Variants in CMTM8 observed in about 807,000 individuals in gnomAD.
CMTM8 encodes the protein CKLF-like MARVEL transmembrane domain-containing protein 8.
In CMTM8, 12 loss-of-function variants were observed where a neutral mutation model predicts 18.6. The observed-to-expected ratio is 0.65, with a 90% CI of 0.41 to 1.05. The LOEUF is 1.05. Ranked by LOEUF, CMTM8 falls within the 50% of genes least tolerant of loss-of-function variation. The pLI, the probability that CMTM8 is intolerant of heterozygous loss-of-function variation, is 0.00. For missense variants in CMTM8, 217 were observed against 227.2 expected, an observed-to-expected ratio of 0.95 and a Z score of 0.29; for synonymous variants, 87 against 90.6, an observed-to-expected ratio of 0.96 and a Z score of 0.23.
chr3:32,244,625 C>T (rs77866957), intron 1 of CMTM8, among the ~76,000 whole-genome samples: 114 of 152,168 alleles, frequency 7.5e-4, no homozygotes, highest in African/African-American at 2.6e-3. Flanking sequence ...TTTACTATGC[C>T]GTGAACATTT....
intron 1 of CMTM8, among the ~76,000 whole-genome samples, chr3:32,292,083 C>T (rs1419794102): frequency 6.6e-6 from 1 of 152,176 alleles, no homozygotes; most frequent in East Asian, 1.9e-4. Flanking sequence ...TGAGTTTTAA[C>T]AACCTGGCCT....
chr3:32,272,563 T>C (rs1702454689), intron 1 of CMTM8, among the ~76,000 whole-genome samples: 1 of 152,238 alleles, frequency 6.6e-6, no homozygotes, highest in African/African-American at 2.4e-5. Context: ...ATTAATTCTT[T>C]TTTTTAGCTG....
chr3:32,347,204 A>C (rs921214498), intron 1 of CMTM8, among the ~76,000 whole-genome samples: 2 of 151,814 alleles, frequency 1.3e-5, no homozygotes, highest in African/African-American at 4.8e-5. Context: ...TGAGTGTTGT[A>C]GTGAACAATG....
chr3:32,282,915 C>T (rs1702628948), intron 1 of CMTM8, among the ~76,000 whole-genome samples: 2 of 152,200 alleles, frequency 1.3e-5, no homozygotes, highest in Admixed American at 1.3e-4. Flanking sequence ...TTCAGCACCT[C>T]CTTTCCCTGA....
At chr3:32,340,624 G>A (rs1307441648) in intron 1 of CMTM8, among the ~76,000 whole-genome samples, 2 of 152,270 alleles carry the variant, frequency 1.3e-5, no homozygotes, top group Non-Finnish European at 1.5e-5. Flanking sequence ...TAAAGGGCCA[G>A]ATAGTAAATA....
chr3:32,239,357 C>T (rs889143360), intron 1 of CMTM8, among the ~76,000 whole-genome samples: 2 of 151,922 alleles, frequency 1.3e-5, no homozygotes, highest in African/African-American at 4.8e-5. Context: ...AGAAATTCAG[C>T]TTGTTGGGTC....
chr3:32,342,758 G>A lies in CMTM8; in HGVS notation c.148-14615G>A, dbSNP rs78457886. 5.0e-3 allele frequency among the ~76,000 whole-genome samples: 762 copies of A among 152,328 alleles called. 6 individuals carry two copies. Among genetic ancestry groups the A allele is most frequent in the African/African-American group, 0.018 (736 of 41,564 alleles). On this transcript the variant is annotated intron_variant, in intron 1 of 3. Coordinates refer to ENST00000307526, the MANE Select transcript of CMTM8 (RefSeq NM_178868.5). ...TAGGTTTTTTACCTGAGAAAGAGGA[G>A]AGCTGTTTCTCCTAAGAGCCATTGT... is the stretch of plus-strand genomic sequence containing the variant.
chr3:32,323,982 C>G (rs1296136712), intron 1 of CMTM8, among the ~76,000 whole-genome samples: 1 of 152,214 alleles, frequency 6.6e-6, no homozygotes, highest in Non-Finnish European at 1.5e-5. Flanking sequence ...TAGTTGCCAA[C>G]AACTCTGTAA....
At chr3:32,319,357 G>A (rs1238516702) in intron 1 of CMTM8, among the ~76,000 whole-genome samples, 2 of 151,558 alleles carry the variant, frequency 1.3e-5, no homozygotes, top group Admixed American at 1.3e-4. Flanking sequence ...GGGATTACAG[G>A]CCTGAGCCAC....
At chr3:32,326,631 C>T (rs964012571) in intron 1 of CMTM8, among the ~76,000 whole-genome samples, 1 of 151,304 alleles carries the variant, frequency 6.6e-6, no homozygotes, top group Non-Finnish European at 1.5e-5. Context: ...ATTCTCTTGC[C>T]TCAGCCTCCC....
At chr3:32,250,329 T>A (rs1191976268) in intron 1 of CMTM8, among the ~76,000 whole-genome samples, 4 of 152,234 alleles carry the variant, frequency 2.6e-5, no homozygotes, top group South Asian at 4.1e-4. Flanking sequence ...GGTTCTTTTT[T>A]AAAGTTGTTT....
At chr3:32,248,971 T>A (rs1329374948) in intron 1 of CMTM8, among the ~76,000 whole-genome samples, 1 of 151,280 alleles carries the variant, frequency 6.6e-6, no homozygotes, top group East Asian at 1.9e-4. Flanking sequence ...TATGTGTACA[T>A]GTGTTTTCAG....
At chr3:32,253,624 A>T (rs938827329) in intron 1 of CMTM8, among the ~76,000 whole-genome samples, 1 of 152,110 alleles carries the variant, frequency 6.6e-6, no homozygotes, top group Admixed American at 6.5e-5. Flanking sequence ...AAGTGCTGGG[A>T]TTACAGGCGT....
chr3:32,298,483 T>G (rs1246494756), intron 1 of CMTM8, among the ~76,000 whole-genome samples: 2 of 150,902 alleles, frequency 1.3e-5, no homozygotes, highest in African/African-American at 4.9e-5. Flanking sequence ...TCATTCTCTT[T>G]AAAAAATTTC....
chr3:32,330,096 A>AT (rs1696243327), intron 1 of CMTM8, among the ~76,000 whole-genome samples: 1 of 152,094 alleles, frequency 6.6e-6, no homozygotes, highest in Non-Finnish European at 1.5e-5. Context: ...ATAGAAAGAC[A>AT]TTCTATGTTC....
chr3:32,265,030 A>C (rs1702314450), intron 1 of CMTM8, among the ~76,000 whole-genome samples: 1 of 152,192 alleles, frequency 6.6e-6, no homozygotes, highest in African/African-American at 2.4e-5. Flanking sequence ...CAATGTCAAC[A>C]TTAGACAGAT....
intron 1 of CMTM8, among the ~76,000 whole-genome samples, chr3:32,239,729 G>T (rs1264171408): frequency 1.3e-5 from 2 of 152,166 alleles, no homozygotes; most frequent in African/African-American, 4.8e-5. Context: ...TCATTGGAGG[G>T]CATAGAGGCT....
intron 1 of CMTM8, among the ~76,000 whole-genome samples, chr3:32,240,738 T>C (rs1311635287): frequency 1.3e-5 from 2 of 152,242 alleles, no homozygotes; most frequent in Non-Finnish European, 2.9e-5. Context: ...ATCACCCTTA[T>C]TACTACTATA....
At chr3:32,292,109 T>A (rs977756975) in intron 1 of CMTM8, among the ~76,000 whole-genome samples, 1 of 152,216 alleles carries the variant, frequency 6.6e-6, no homozygotes, top group Non-Finnish European at 1.5e-5. Flanking sequence ...CAGAATGTTT[T>A]GTGTTTCAAG....
Sources: gnomAD v4.1 joint callset for allele counts (sites outside exome capture counted in the v4.1 genomes callset) on GRCh38, gnomAD v4.1.1 for gene constraint, MANE v1.5 for transcripts, NCBI Gene and HGNC (gene_info 2026-07-23, HGNC 2026-07-21) for gene names.